The following ZNF362 variants were observed in gnomAD, a reference collection of about 807,000 sequenced individuals.
ZNF362 encodes the protein zinc finger protein 362, also known as rotund homolog.
Under a neutral mutation model 42.9 loss-of-function variants are expected in ZNF362, and 11 were observed. The ratio of observed to expected loss-of-function variants is 0.26; its 90% CI spans 0.16 to 0.42. The LOEUF (loss-of-function observed/expected upper bound fraction) is 0.42, where lower values mean the gene tolerates loss of function less well. ZNF362 is among the 20% of genes least tolerant of loss of function. ZNF362 has a pLI of 1.00. For missense variants in ZNF362, 362 were observed against 576.2 expected (o/e 0.63, Z 3.81); for synonymous variants, 255 against 257.3 (o/e 0.99, Z 0.09).
the ZNF362 span, among the ~76,000 whole-genome samples, chr1:33,173,766 A>G: frequency 2.0e-5 from 3 of 151,542 alleles, no homozygotes; most frequent in East Asian, 5.8e-4. Flanking sequence ...TGGTGCAATC[A>G]TAGCTCACTA....
chr1:33,174,999 A>ATGTATT, the ZNF362 span, among the ~76,000 whole-genome samples: 1 of 39,620 alleles, frequency 2.5e-5, no homozygotes, highest in Non-Finnish European at 5.0e-5. Flanking sequence ...GCACACACAC[A>ATGTATT]TGTATGTATA....
At chr1:33,161,906 C>T in the ZNF362 span, among the ~76,000 whole-genome samples, 3 of 152,180 alleles carry the variant, frequency 2.0e-5, no homozygotes, top group Non-Finnish European at 2.9e-5. This position sits in a 1 kb window ranked among gnomAD's most constrained non-coding sequence, Gnocchi z 4.3. Flanking sequence ...TCCAGGTCAG[C>T]GCCTTCCATC....
In ZNF362 at chr1:33,276,436, C is replaced by T. The variant is rs763621701; in HGVS notation, c.191C>T (p.Ser64Leu). Residue 64 changes from serine (S) to leucine (L), a missense_variant, in exon 4 of 9, where the codon TCG becomes TTG. Transcript: ENST00000539719. ...CCTCACCTGCCGCCCACGTCGGCCT[C>T]GTCGCAGCAGCCGTTGCTAGTGCCG... ...RPPHLPPTSA[S>L]SQQPLLVPPA... is the part of the protein sequence containing the mutation. 25 of 1,580,926 alleles carry T rather than the reference C, an allele frequency of 1.6e-5. No homozygotes were observed. The East Asian group carries it at 1.9e-4, about 12-fold the overall frequency.
At chr1:33,276,222 C>T in intron 3 of ZNF362, 59 bp downstream of exon 3, 1 of 1,605,504 alleles carries the variant, frequency 6.2e-7, no homozygotes, top group Non-Finnish European at 8.5e-7. Context: ...TTCGCTTCCC[C>T]TGGGTTTTGG....
At chr1:33,157,032 C>T in the ZNF362 span, among the ~76,000 whole-genome samples, 1 of 151,686 alleles carries the variant, frequency 6.6e-6, no homozygotes, top group Non-Finnish European at 1.5e-5. Flanking sequence ...CATCCTTCAC[C>T]CCCTTCGGTC....
the ZNF362 span, among the ~76,000 whole-genome samples, chr1:33,191,468 A>G: frequency 1.2e-4 from 18 of 151,342 alleles, no homozygotes; most frequent in African/African-American, 4.1e-4. Context: ...CAGGTCCTGC[A>G]GTTCTTTTAG....
chr1:33,198,491 A>G, the ZNF362 span, among the ~76,000 whole-genome samples: 1 of 152,086 alleles, frequency 6.6e-6, no homozygotes, highest in African/African-American at 2.4e-5. Context: ...ACATGGCAAA[A>G]CCCCATCTCT....
the ZNF362 span, among the ~76,000 whole-genome samples, chr1:33,205,674 G>A: frequency 6.6e-6 from 1 of 152,130 alleles, no homozygotes; most frequent in African/African-American, 2.4e-5. Context: ...AGCACTTTGG[G>A]AGGCTGAGGT....
the ZNF362 span, among the ~76,000 whole-genome samples, chr1:33,144,136 T>TTC: frequency 1.1e-3 from 1 of 918 alleles, no homozygotes; most frequent in East Asian, 0.017. Context: ...ATGTTACTTC[T>TTC]TTTTTTTTTT....
the ZNF362 span, among the ~76,000 whole-genome samples, chr1:33,216,338 A>G: frequency 1.4e-5 from 2 of 145,934 alleles, no homozygotes; most frequent in Non-Finnish European, 3.0e-5. Context: ...GCGATGGCTT[A>G]TACCTGTAAT....
At chr1:33,181,319 G>T in the ZNF362 span, 2 of 1,569,810 alleles carry the variant, frequency 1.3e-6, no homozygotes, top group Admixed American at 1.9e-5. This position sits in a 1 kb window ranked among gnomAD's most constrained non-coding sequence, Gnocchi z 6.5. Context: ...GCCGCACCCA[G>T]TGCTCCGTGA....
chr1:33,145,780 C>T, the ZNF362 span: 1 of 452,472 alleles, frequency 2.2e-6, no homozygotes, highest in Non-Finnish European at 4.6e-6. Context: ...TGGACTCCAC[C>T]CTCTCCCGAG....
the ZNF362 span, among the ~76,000 whole-genome samples, chr1:33,160,480 T>G: frequency 6.6e-6 from 1 of 152,050 alleles, no homozygotes; most frequent in Non-Finnish European, 1.5e-5. Flanking sequence ...TCTCGGATCA[T>G]TGCAACCTCC....
At chr1:33,197,604 G>A in the ZNF362 span, among the ~76,000 whole-genome samples, 2 of 152,188 alleles carry the variant, frequency 1.3e-5, no homozygotes, top group African/African-American at 2.4e-5. Context: ...AGCAAGGTGA[G>A]CTAAACAGTT....
At chr1:33,170,169 A>T in the ZNF362 span, among the ~76,000 whole-genome samples, 1 of 152,142 alleles carries the variant, frequency 6.6e-6, no homozygotes, top group Admixed American at 6.5e-5. Flanking sequence ...GTCTCTACTA[A>T]AAATACAAAA....
At chr1:33,295,610 C>G (rs893135068) in intron 8 of ZNF362, among the ~76,000 whole-genome samples, 22 of 151,908 alleles carry the variant, frequency 1.4e-4, no homozygotes, top group South Asian at 1.0e-3. Context: ...CGCAGAGCTA[C>G]AGAGAGAAGC....
At chr1:33,164,532 G>C in the ZNF362 span, 1 of 152,402 alleles carries the variant, frequency 6.6e-6, no homozygotes, top group African/African-American at 2.4e-5. Context: ...AAGTCACACA[G>C]TGAGTTAGTG....
the ZNF362 span, among the ~76,000 whole-genome samples, chr1:33,154,669 G>T: frequency 6.6e-6 from 1 of 151,694 alleles, no homozygotes. Context: ...GCAGTGGCGT[G>T]TGCCTGTAAT....
chr1:33,242,562 T>C, the ZNF362 span, among the ~76,000 whole-genome samples: 1 of 152,108 alleles, frequency 6.6e-6, no homozygotes, highest in African/African-American at 2.4e-5. Context: ...CTAACATACC[T>C]GTGAAGACCC....
Sources: allele counts gnomAD v4.1 joint callset (sites outside exome capture counted in the v4.1 genomes callset), GRCh38; gene constraint gnomAD v4.1.1; non-coding constraint Gnocchi (gnomAD v3.1); transcripts MANE v1.5; gene names NCBI Gene and HGNC (gene_info 2026-07-23, HGNC 2026-07-21).